The following NRG1 variants were observed in gnomAD, a reference collection of about 807,000 sequenced individuals.
The protein encoded by NRG1 is pro-neuregulin-1, membrane-bound isoform.
A neutral mutation model predicts 63.8 loss-of-function variants in NRG1; 18 were observed. That is an observed-to-expected ratio of 0.28 (90% CI 0.19 to 0.42). NRG1 has a LOEUF of 0.42. Ranked by LOEUF, NRG1 falls within the 10% of genes least tolerant of loss-of-function variation. NRG1 has a pLI of 1.00. For missense variants in NRG1, 762 were observed against 814.7 expected, an observed-to-expected ratio of 0.94 and a Z score of 0.79; for synonymous variants, 302 against 301.3, an observed-to-expected ratio of 1.00 and a Z score of -0.02.
At chr8:31,679,915 A>C (rs1299639849) in intron 1 of NRG1, among the ~76,000 whole-genome samples, 1 of 152,192 alleles carries the variant, frequency 6.6e-6, no homozygotes, top group South Asian at 2.1e-4. Flanking sequence ...GTACTTTGCT[A>C]CAAATATTTG....
intron 1 of NRG1, among the ~76,000 whole-genome samples, chr8:32,533,586 T>C (rs1048270717): frequency 3.9e-5 from 6 of 152,096 alleles, no homozygotes; most frequent in Non-Finnish European, 8.8e-5. Context: ...AAATTAATTG[T>C]CCTAAAAATA....
intron 1 of NRG1, among the ~76,000 whole-genome samples, chr8:32,069,171 TG>T: frequency 6.6e-6 from 1 of 152,328 alleles, no homozygotes; most frequent in Middle Eastern, 3.4e-3. Context: ...CTGTGTTTAC[TG>T]GAAGTCTTTT....
chr8:31,936,494 C>T (rs1238232030), intron 1 of NRG1, among the ~76,000 whole-genome samples: 1 of 152,110 alleles, frequency 6.6e-6, no homozygotes, highest in Non-Finnish European at 1.5e-5. Flanking sequence ...TAAACTATTG[C>T]CCTTGTTTAG....
chr8:32,598,832 A>C (rs1843811709), intron 2 of NRG1, among the ~76,000 whole-genome samples: 1 of 152,112 alleles, frequency 6.6e-6, no homozygotes. Context: ...TTAAGATTAA[A>C]GGTTCCAACT....
At chr8:32,370,064 GAGA>G (rs1808604198) in intron 1 of NRG1, among the ~76,000 whole-genome samples, 1 of 152,152 alleles carries the variant, frequency 6.6e-6, no homozygotes, top group Admixed American at 6.5e-5. Flanking sequence ...CAGGAAAGGG[GAGA>G]AGGACTGACA....
At chr8:31,828,401 T>C (rs910554523) in intron 1 of NRG1, among the ~76,000 whole-genome samples, 2 of 152,170 alleles carry the variant, frequency 1.3e-5, no homozygotes, top group Non-Finnish European at 2.9e-5. Flanking sequence ...TCAAATTAGT[T>C]ACATTAAAGG....
intron 1 of NRG1, among the ~76,000 whole-genome samples, chr8:32,401,026 C>T (rs371373210): frequency 5.3e-5 from 8 of 152,046 alleles, no homozygotes; most frequent in African/African-American, 9.7e-5. Context: ...TTATCCTAAG[C>T]GGACTAACAC....
chr8:31,871,253 G>A (rs1285610316), intron 1 of NRG1, among the ~76,000 whole-genome samples: 1 of 152,114 alleles, frequency 6.6e-6, no homozygotes, highest in South Asian at 2.1e-4. Context: ...GGGATTACAG[G>A]TGTGAGCTAC....
chr8:32,563,570 C>T (rs923823002), intron 1 of NRG1, among the ~76,000 whole-genome samples: 5 of 152,212 alleles, frequency 3.3e-5, no homozygotes, highest in Non-Finnish European at 7.3e-5. Flanking sequence ...AGTCGTCTCT[C>T]ATGAGTATGT....
chr8:32,221,385 C>T lies in NRG1; in HGVS notation c.38-374443C>T, dbSNP rs1845799469. 2.0e-5 allele frequency among the ~76,000 whole-genome samples: 3 copies of T among 152,116 alleles called. No individual in the cohort carries two copies. The South Asian group carries it at 6.2e-4, about 32-fold the overall frequency. On this transcript the variant is annotated intron_variant, in intron 1 of 10. Coordinates refer to the NRG1 transcript ENST00000519301. ...TCTAATCTAGAGAGTTAACCTCCTCCAGGTAGGGTTGAAAATATGAACAGA... is the reference window on the plus strand; with the variant it reads ...TCTAATCTAGAGAGTTAACCTCCTCTAGGTAGGGTTGAAAATATGAACAGA...
intron 1 of NRG1, among the ~76,000 whole-genome samples, chr8:31,906,542 C>T (rs1360133051): frequency 6.6e-6 from 1 of 152,170 alleles, no homozygotes; most frequent in African/African-American, 2.4e-5. Flanking sequence ...CCTAGATTTA[C>T]AATATCCCAG....
chr8:32,129,770 G>A (rs1428619964), intron 1 of NRG1, among the ~76,000 whole-genome samples: 2 of 151,860 alleles, frequency 1.3e-5, no homozygotes, highest in Non-Finnish European at 2.9e-5. Context: ...TAAGGCATGT[G>A]TATAATATAT....
intron 5 of NRG1, among the ~76,000 whole-genome samples, chr8:32,668,435 T>G (rs1229145117): frequency 6.6e-6 from 1 of 152,082 alleles, no homozygotes; most frequent in Non-Finnish European, 1.5e-5. Context: ...TATTGAAGTG[T>G]CAGGGTTGTG....
intron 1 of NRG1, among the ~76,000 whole-genome samples, chr8:32,168,292 T>A (rs181156220): frequency 4.6e-4 from 70 of 152,294 alleles, no homozygotes; most frequent in African/African-American, 1.5e-3. Flanking sequence ...CAACAAAAAC[T>A]TATTGTCTGT....
chr8:32,226,821 A>G (rs1846375641), intron 1 of NRG1, among the ~76,000 whole-genome samples: 1 of 152,156 alleles, frequency 6.6e-6, no homozygotes, highest in African/African-American at 2.4e-5. Flanking sequence ...CAAAATGTCA[A>G]GTTGTTTTGA....
chr8:32,121,371 T>C (rs1360484097), intron 1 of NRG1, among the ~76,000 whole-genome samples: 1 of 151,424 alleles, frequency 6.6e-6, no homozygotes, highest in Non-Finnish European at 1.5e-5. Flanking sequence ...TGGGAATCCA[T>C]GTAGGCTGAT....
At chr8:32,223,913 TAG>T (rs1846071873) in intron 1 of NRG1, among the ~76,000 whole-genome samples, 1 of 151,844 alleles carries the variant, frequency 6.6e-6, no homozygotes, top group Non-Finnish European at 1.5e-5. Context: ...ATAAGCAGAA[TAG>T]AGAGAGAGGT....
chr8:32,135,292 A>C (rs1835362713), intron 1 of NRG1, among the ~76,000 whole-genome samples: 1 of 152,204 alleles, frequency 6.6e-6, no homozygotes, highest in Admixed American at 6.6e-5. Flanking sequence ...AAATTTTTAA[A>C]AGACTACCTA....
Position 32,715,996 on chromosome 8 carries a change from A to G in NRG1, c.503-11953A>G, listed in dbSNP as rs1327864668. ...AGAGGTCTGGTTTCTTCTTCTTAGC[A>G]AGGTCTTGTTTTCCTGGTAAGGCCT... On this transcript the variant is annotated intron_variant, in intron 5 of 11. Coordinates refer to ENST00000356819, the Ensembl canonical transcript of NRG1. 2.6e-5 allele frequency among the ~76,000 whole-genome samples: 4 copies of G among 152,126 alleles called. No individual in the cohort carries two copies. In the East Asian group the frequency reaches 7.7e-4, roughly 29 times the overall value.
Sources: allele counts gnomAD v4.1 joint callset (sites outside exome capture counted in the v4.1 genomes callset), GRCh38; gene constraint gnomAD v4.1.1; transcripts MANE v1.5; gene names NCBI Gene and HGNC (gene_info 2026-07-23, HGNC 2026-07-21).